The following SLC25A10 variants were observed in gnomAD, a reference collection of about 807,000 sequenced individuals.
The protein encoded by SLC25A10 is mitochondrial dicarboxylate carrier.
Under a neutral mutation model 40.4 loss-of-function variants are expected in SLC25A10, and 32 were observed. That is an observed-to-expected ratio of 0.79 (90% confidence interval 0.60 to 1.06). SLC25A10 has a LOEUF of 1.06. Ranked by LOEUF, SLC25A10 falls within the 50% of genes least tolerant of loss-of-function variation. The probability of loss-of-function intolerance (pLI) is 0.00; values close to 1 mark genes in which losing one functional copy is unlikely to be tolerated. For synonymous variants in SLC25A10, 181 were observed against 171.1 expected (o/e 1.06, Z -0.45); for missense variants, 394 against 402.6 (o/e 0.98, Z 0.18).
chr17:81,720,004 T>TCCCCCAC lies in SLC25A10; in HGVS notation c.792_798dup (p.Thr267ProfsTer171). The TCCCCCAC allele has an allele frequency of 6.2e-7, 1 of 1,613,704 alleles. No individual in the cohort carries two copies. The highest frequency in any genetic ancestry group is 1.1e-5 in the South Asian group (1 of 91,076). ...CTCGTCCCAGCTGGCATCCGCCTCATCCCCCACACCGTGCTCACTTTTGTG... is the reference window on the plus strand; with the variant it reads ...CTCGTCCCAGCTGGCATCCGCCTCATCCCCCACCCCCCACACCGTGCTCACTTTTGTG... On this transcript the variant is annotated frameshift_variant, in exon 11 of 11. Coordinates refer to ENST00000350690, the MANE Select transcript of SLC25A10 (RefSeq NM_012140.5). LOFTEE classifies it high-confidence loss of function.
At chr17:81,717,556 G>C (rs989009012) in intron 8 of SLC25A10, 65 bp downstream of exon 8, 3 of 1,566,902 alleles carry the variant, frequency 1.9e-6, no homozygotes, top group African/African-American at 2.7e-5. Context: ...GGGCACCCAG[G>C]ATGGGGCGAG....
chr17:81,715,834 G>C, intron 4 of SLC25A10, 93 bp downstream of exon 4: 1 of 1,545,146 alleles, frequency 6.5e-7, no homozygotes, highest in South Asian at 1.1e-5. Context: ...GGTGGGGTCA[G>C]CCTGGAATAA....
intron 8 of SLC25A10, 27 bp from the exon 9 acceptor site, chr17:81,717,757 G>C: frequency 1.6e-5 from 26 of 1,604,200 alleles, no homozygotes; most frequent in Non-Finnish European, 2.2e-5. Context: ...TACCTGACAG[G>C]CCGCTGGTGA....
At chr17:81,717,362 C>A (rs1464672216) in intron 7 of SLC25A10, 37 bp from the exon 8 acceptor site, 2 of 1,598,416 alleles carry the variant, frequency 1.3e-6, no homozygotes, top group African/African-American at 1.3e-5. Context: ...AAGCTGGGGT[C>A]CCCCCTACAG....
chr17:81,714,687 C>T (rs1367801638), intron 1 of SLC25A10, among the ~76,000 whole-genome samples: 1 of 152,184 alleles, frequency 6.6e-6, no homozygotes, highest in Admixed American at 6.5e-5. Context: ...AGGAGAATGG[C>T]GAGCCCCTGC....
In SLC25A10 at chr17:81,716,816, G is replaced by A. The variant is rs745715469; in HGVS notation, c.424G>A (p.Ala142Thr). 45 of 1,608,200 alleles carry A rather than the reference G, an allele frequency of 2.8e-5. No homozygotes were observed. In the Admixed American group the frequency reaches 4.2e-4, roughly 15 times the overall value. ...GTCATTCTGTGTCCCCGGCAGCTAC[G>A]CCCATGCGCTGGATGGCCTGTACCG... ...KLPQGQRRNY[A>T]HALDGLYRVA... is the part of the protein sequence containing the mutation. The change falls in exon 6 of 11, where the codon GCC becomes ACC. Residue 142 changes from alanine (A) to threonine (T), a missense_variant. Ala to Thr is a moderately conservative substitution (Grantham distance 58). Transcript: ENST00000350690.
At chr17:81,718,390 C>G (rs1423139539) in intron 9 of SLC25A10, among the ~76,000 whole-genome samples, 1 of 152,030 alleles carries the variant, frequency 6.6e-6, no homozygotes, top group Non-Finnish European at 1.5e-5. Flanking sequence ...GAGGCTGAGG[C>G]AGGAGAATCG....
chr17:81,713,918 G>T (rs1050178999), intron 1 of SLC25A10, among the ~76,000 whole-genome samples: 8 of 152,244 alleles, frequency 5.3e-5, no homozygotes. Context: ...TGTGGTCAGG[G>T]TGTGCTCCTG....
intron 4 of SLC25A10, 114 bp from the exon 5 acceptor site, chr17:81,715,895 C>G: frequency 7.1e-7 from 1 of 1,408,610 alleles, no homozygotes. Flanking sequence ...GTCCCTGAGC[C>G]CCGGCGTGCC....
Position 81,715,726 on chromosome 17 carries a change from A to C in SLC25A10, c.362A>C (p.Asp121Ala), listed in dbSNP as rs748582505. The C allele has an allele frequency of 5.0e-6, 8 of 1,613,266 alleles. No individual in the cohort carries two copies. The highest frequency in any genetic ancestry group is 6.8e-6 in the Non-Finnish European group (8 of 1,179,938). The change falls in exon 4 of 11, where the codon GAC (aspartate) becomes GCC (alanine). Residue 121 changes from aspartate to alanine, a missense_variant. Coordinates refer to ENST00000350690, the MANE Select transcript of SLC25A10 (RefSeq NM_012140.5). ...GGAGGCTTCGTGGGGACGCCCGCAG[A>C]CTTGGTCAACGTCAGGTTGGTGTTC... ...LAGGFVGTPA[D>A]LVNVRMQNDV...
Position 81,717,347 on chromosome 17 carries a change from T to A in SLC25A10, c.535-52T>A, listed in dbSNP as rs1486707585. 10 of 1,572,426 alleles carry A rather than the reference T, an allele frequency of 6.4e-6. No homozygotes were observed. The African/African-American group carries it at 8.1e-5, about 13-fold the overall frequency. The stretch of plus-strand genomic sequence containing the variant: ...GTGTCGCCTGGGGCCCTGTGTGCTT[T>A]CCCCAAGCTGGGGTCCCCCCTACAG... On this transcript the variant is annotated intron_variant, in intron 7 of 10. Coordinates refer to ENST00000350690, the MANE Select transcript of SLC25A10 (RefSeq NM_012140.5).
intron 7 of SLC25A10, 96 bp from the exon 8 acceptor site, chr17:81,717,303 G>A: frequency 8.0e-7 from 1 of 1,256,894 alleles, no homozygotes; most frequent in Non-Finnish European, 1.2e-6. Flanking sequence ...CGGAGCAGGT[G>A]CTTGGCCATT....
chr17:81,716,674 T>C, intron 5 of SLC25A10, 138 bp from the exon 6 acceptor site: 1 of 829,966 alleles, frequency 1.2e-6, no homozygotes, highest in Non-Finnish European at 1.9e-6. Context: ...CAGCTTCATG[T>C]TCCCAGGGAG....
intron 5 of SLC25A10, chr17:81,716,538 G>A (rs896534107): frequency 1.4e-5 from 8 of 566,992 alleles, no homozygotes; most frequent in Admixed American, 6.2e-5. Flanking sequence ...CCAGGACCCC[G>A]GGGGCTGGCG....
intron 6 of SLC25A10, 47 bp from the exon 7 acceptor site, chr17:81,716,955 G>GGCCTCACGCCTT (rs1555703498): frequency 1.3e-6 from 2 of 1,588,380 alleles, no homozygotes; most frequent in African/African-American, 1.4e-5. Context: ...CCAGGTGCCT[G>GGCCTCACGCCTT]GCCTCACCCC....
chr17:81,716,974 C>T (rs373230757), intron 6 of SLC25A10, 28 bp from the exon 7 acceptor site: 18 of 1,612,716 alleles, frequency 1.1e-5, no homozygotes, highest in Non-Finnish European at 1.3e-5. Context: ...CCTTGCCTCA[C>T]CCCTTGCCTC....
rs1048484285 is a variant in SLC25A10 at position 81,717,197 on chromosome 17, G to A, written c.534+125G>A. On this transcript the variant is annotated intron_variant, in intron 7 of 10. Transcript: ENST00000350690. ...CTGGGGAGCCACCAGCTGTGACCTT[G>A]TGGGGCAGGGTGGGGGGCACGGGTG... The A allele has an allele frequency of 6.0e-6, 7 of 1,161,736 alleles. No homozygotes were observed. In the Admixed American group the frequency reaches 1.4e-4, roughly 23 times the overall value. The allele number at this position is 1,161,736 out of a possible 1,614,324, so 72.0% of individuals were successfully genotyped here. A position where few individuals can be genotyped will look rare whatever the true frequency, so the allele number is the denominator to read the frequency against.
chr17:81,720,188 G>C lies in SLC25A10; in HGVS notation c.*111G>C. 1 of 1,513,940 alleles carries C rather than the reference G, an allele frequency of 6.6e-7. No individual in the cohort carries two copies. The highest frequency in any genetic ancestry group is 8.8e-7 in the Non-Finnish European group (1 of 1,138,944). The allele number at this position is 1,513,940 out of a possible 1,614,324, so 93.8% of individuals were successfully genotyped here. On this transcript the variant is annotated 3_prime_UTR_variant, in exon 11 of 11. Coordinates refer to ENST00000350690, the MANE Select transcript of SLC25A10 (RefSeq NM_012140.5). Reference sequence around the variant, plus strand: ...ACGACCTCCCTGGCCGTGGCCACCCGTCCTCCGCAGCAGGCCCCTGCTGTC... The same window carrying C: ...ACGACCTCCCTGGCCGTGGCCACCCCTCCTCCGCAGCAGGCCCCTGCTGTC...
At chr17:81,716,785 CAT>C (rs763894120) in intron 5 of SLC25A10, 25 bp from the exon 6 acceptor site, 20 of 1,598,164 alleles carry the variant, frequency 1.3e-5, no homozygotes, top group Admixed American at 5.2e-5. Flanking sequence ...GGGGGAGTCT[CAT>C]GTGGTCATTC....
Sources: allele counts gnomAD v4.1 joint callset (sites outside exome capture counted in the v4.1 genomes callset), GRCh38; gene constraint gnomAD v4.1.1; transcripts MANE v1.5; gene names NCBI Gene and HGNC (gene_info 2026-07-23, HGNC 2026-07-21).